Variants in ANKS1B observed in about 807,000 individuals in gnomAD.
ANKS1B encodes the protein ankyrin repeat and sterile alpha motif domain-containing protein 1B.
ANKS1B carries 36 observed loss-of-function variants against 148.3 expected under a neutral mutation model. That is an observed-to-expected ratio of 0.24 (90% CI 0.19 to 0.32). The LOEUF (loss-of-function observed/expected upper bound fraction) is 0.32, where lower values mean the gene tolerates loss of function less well. Ranked by LOEUF, ANKS1B falls within the 10% of genes least tolerant of loss-of-function variation. ANKS1B has a pLI of 1.00. For synonymous variants in ANKS1B, 542 were observed against 560.8 expected, an observed-to-expected ratio of 0.97 and a Z score of 0.47; for missense variants, 1,157 against 1,542.6, an observed-to-expected ratio of 0.75 and a Z score of 4.19.
intron 14 of ANKS1B, among the ~76,000 whole-genome samples, chr12:99,233,102 T>C (rs1433632230): frequency 6.6e-6 from 1 of 152,094 alleles, no homozygotes; most frequent in Non-Finnish European, 1.5e-5. Flanking sequence ...TCATGCTTTG[T>C]ATAGAAGGTG....
intron 25 of ANKS1B, among the ~76,000 whole-genome samples, chr12:98,754,512 T>C (rs148702053): frequency 4.1e-4 from 62 of 152,348 alleles, no homozygotes; most frequent in African/African-American, 1.4e-3. Context: ...GTTGGGGACA[T>C]GTACCAGATA....
chr12:99,018,464 T>A (rs2099943869), intron 17 of ANKS1B, among the ~76,000 whole-genome samples: 1 of 152,234 alleles, frequency 6.6e-6, no homozygotes, highest in African/African-American at 2.4e-5. Context: ...AAGTCTATGT[T>A]TTGAAATATT....
At chr12:98,815,736 A>T (rs577046418) in intron 19 of ANKS1B, among the ~76,000 whole-genome samples, 1 of 152,234 alleles carries the variant, frequency 6.6e-6, no homozygotes, top group East Asian at 1.9e-4. Context: ...TCTCGCATTC[A>T]ATCCAGCAGC....
intron 1 of ANKS1B, among the ~76,000 whole-genome samples, chr12:99,899,836 T>C (rs2093523956): frequency 6.6e-6 from 1 of 152,178 alleles, no homozygotes; most frequent in South Asian, 2.1e-4. Flanking sequence ...TTTCATGTCG[T>C]AACAGTCTTA....
chr12:99,545,606 A>G (rs950625175), intron 9 of ANKS1B, among the ~76,000 whole-genome samples: 1 of 151,900 alleles, frequency 6.6e-6, no homozygotes, highest in African/African-American at 2.4e-5. Flanking sequence ...GCTTCGTCAT[A>G]CTTTTGCTTT....
chr12:99,407,984 A>T lies in ANKS1B; in HGVS notation c.1576-8173T>A, dbSNP rs1467942144. 2.7e-5 allele frequency among the ~76,000 whole-genome samples: 4 copies of T among 146,312 alleles called. 1 individual carries two copies. The highest frequency in any genetic ancestry group is 1.0e-4 in the African/African-American group (4 of 38,668). On this transcript the variant is annotated intron_variant, in intron 11 of 26. Transcript: ENST00000683438. The stretch of plus-strand genomic sequence containing the variant: ...AAATACTAATGATATTCTTCACAGA[A>T]ATGGAAAAAACAATCCTAAAATGTA...
chr12:99,053,118 G>C, intron 17 of ANKS1B, 39 bp downstream of exon 17: 2 of 1,523,480 alleles, frequency 1.3e-6, no homozygotes, highest in African/African-American at 1.4e-5. Flanking sequence ...CATTTATCAA[G>C]GGTTGAATAG....
At chr12:99,359,976 C>G (rs2092344702) in intron 12 of ANKS1B, among the ~76,000 whole-genome samples, 1 of 152,058 alleles carries the variant, frequency 6.6e-6, no homozygotes, top group Non-Finnish European at 1.5e-5. Context: ...CTGTAGAATA[C>G]AGCTCAGTTT....
At chr12:99,331,256 T>A (rs2087489767) in intron 12 of ANKS1B, among the ~76,000 whole-genome samples, 1 of 151,846 alleles carries the variant, frequency 6.6e-6, no homozygotes, top group African/African-American at 2.4e-5. Context: ...CTTAACGTCC[T>A]AAAAAAAGAA....
intron 12 of ANKS1B, among the ~76,000 whole-genome samples, chr12:99,315,818 C>G (rs1250010533): frequency 6.6e-6 from 1 of 152,082 alleles, no homozygotes; most frequent in Non-Finnish European, 1.5e-5. Context: ...TATCCCTCCC[C>G]TCTCCCCCCA....
At chr12:99,483,961 A>G (rs1288902019) in intron 10 of ANKS1B, among the ~76,000 whole-genome samples, 1 of 151,712 alleles carries the variant, frequency 6.6e-6, no homozygotes, top group Non-Finnish European at 1.5e-5. Flanking sequence ...TTTTTATTTC[A>G]TTAATCTCTT....
At chr12:98,911,391 G>C (rs1180564174) in intron 17 of ANKS1B, among the ~76,000 whole-genome samples, 1 of 152,160 alleles carries the variant, frequency 6.6e-6, no homozygotes, top group Non-Finnish European at 1.5e-5. Flanking sequence ...ATGGCCCTGA[G>C]AAACTAATCT....
intron 15 of ANKS1B, among the ~76,000 whole-genome samples, chr12:99,138,078 A>G (rs781759033): frequency 2.0e-5 from 3 of 152,168 alleles, no homozygotes; most frequent in Non-Finnish European, 4.4e-5. Context: ...CAATGTTTGT[A>G]TTTAGAAGCC....
At chr12:99,961,366 C>T (rs1022652827) in intron 1 of ANKS1B, among the ~76,000 whole-genome samples, 2 of 152,160 alleles carry the variant, frequency 1.3e-5, no homozygotes, top group African/African-American at 2.4e-5. Flanking sequence ...AAAAAGTTCA[C>T]AAAATCGCTG....
At chr12:98,749,779 G>A (rs941010199) in intron 26 of ANKS1B, among the ~76,000 whole-genome samples, 1 of 152,174 alleles carries the variant, frequency 6.6e-6, no homozygotes, top group Non-Finnish European at 1.5e-5. Context: ...GCTGTGTGGG[G>A]AGGGGAGTCT....
intron 2 of ANKS1B, among the ~76,000 whole-genome samples, chr12:99,820,490 T>C (rs1334524696): frequency 1.3e-5 from 2 of 152,000 alleles, no homozygotes; most frequent in East Asian, 3.9e-4. Context: ...ATTATAATGT[T>C]TATGGAAAAA....
At chr12:99,077,291 T>C (rs2048184735) in intron 16 of ANKS1B, among the ~76,000 whole-genome samples, 1 of 152,208 alleles carries the variant, frequency 6.6e-6, no homozygotes, top group South Asian at 2.1e-4. Context: ...CTTTAACTGA[T>C]GTCCACTGGG....
intron 17 of ANKS1B, among the ~76,000 whole-genome samples, chr12:98,991,617 C>G (rs561433968): frequency 1.9e-4 from 29 of 152,294 alleles, no homozygotes; most frequent in African/African-American, 6.3e-4. Flanking sequence ...AGGCACTATT[C>G]TAAGTGCTAC....
At chr12:99,584,743 A>C (rs1403678446) in intron 9 of ANKS1B, among the ~76,000 whole-genome samples, 1 of 152,166 alleles carries the variant, frequency 6.6e-6, no homozygotes, top group Non-Finnish European at 1.5e-5. Flanking sequence ...GAGCAAAGTC[A>C]CATCTTATGT....
Sources: allele counts gnomAD v4.1 joint callset (sites outside exome capture counted in the v4.1 genomes callset), GRCh38; gene constraint gnomAD v4.1.1; transcripts MANE v1.5; gene names NCBI Gene and HGNC (gene_info 2026-07-23, HGNC 2026-07-21).